The following STS variants were observed in gnomAD, a reference collection of about 807,000 sequenced individuals.
The protein encoded by STS is steryl-sulfatase.
In STS, 7 loss-of-function variants were observed where a neutral mutation model predicts 26.8. That is an observed-to-expected ratio of 0.26 (90% CI 0.15 to 0.49). The LOEUF (loss-of-function observed/expected upper bound fraction) is 0.49, where lower values mean the gene tolerates loss of function less well. Among genes scored for constraint, STS ranks in the 20% least tolerant of loss-of-function variants. The probability of loss-of-function intolerance (pLI) is 0.98; values close to 1 mark genes in which losing one functional copy is unlikely to be tolerated. For synonymous variants in STS, 199 were observed against 189.4 expected (o/e 1.05, Z -0.42); for missense variants, 434 against 465.6 (o/e 0.93, Z 0.63).
chrX:7,322,403 T>C (rs754028040), intron 8 of STS, among the ~76,000 whole-genome samples: 22 of 111,751 alleles, frequency 2.0e-4, no homozygotes, highest in Non-Finnish European at 3.6e-4. Context: ...TCTCTCTCTC[T>C]CTCTTTTTCT....
At position 7,257,509 on chromosome X, in the gene STS, C is replaced by G. The variant is rs776166876; in HGVS notation, c.303C>G (p.Ala101=). The G allele has an allele frequency of 8.3e-7, 1 of 1,211,946 alleles. No homozygotes were observed. ...GCACTGGAGTTTTCCTCTTCACAGC[C>G]TCTTCGGGAGGACTTCCCACCGATG... ...WSRTGVFLFT[A]SSGGLPTDEI... The change falls in exon 5 of 11, where the codon GCC becomes GCG. Residue 101 remains alanine, a synonymous_variant. Transcript: ENST00000674429.
intron 2 of STS, among the ~76,000 whole-genome samples, chrX:7,214,969 T>TAC (rs1363427802): frequency 4.3e-5 from 3 of 69,416 alleles, no homozygotes; most frequent in Admixed American, 3.7e-4. Context: ...ATATATTATA[T>TAC]ATGTATATAT....
chrX:7,243,861 C>G (rs1302808851), intron 2 of STS, among the ~76,000 whole-genome samples: 1 of 111,148 alleles, frequency 9.0e-6, no homozygotes, highest in Admixed American at 9.6e-5. Flanking sequence ...ATCAGGAGTT[C>G]GAGACCAGCC....
intron 8 of STS, among the ~76,000 whole-genome samples, chrX:7,324,204 A>G (rs959074152): frequency 2.7e-5 from 3 of 110,573 alleles, no homozygotes; most frequent in Admixed American, 9.7e-5. Flanking sequence ...TCATAGGTGG[A>G]CTCAAAGAAT....
chrX:7,342,186 A>T (rs973639599), intron 10 of STS, among the ~76,000 whole-genome samples: 3 of 111,699 alleles, frequency 2.7e-5, no homozygotes, highest in Admixed American at 9.5e-5. Context: ...TGGGAGATAT[A>T]GTCCCTGCCT....
At position 7,253,244 on chromosome X, in the gene STS, G is replaced by A; in HGVS notation, c.45G>A (p.Glu15=). 1 of 1,211,452 alleles carries A rather than the reference G, an allele frequency of 8.3e-7. No individual in the cohort carries two copies. The highest frequency in any genetic ancestry group is 1.1e-6 in the Non-Finnish European group (1 of 895,305). ...FLLLFFLWEA[E]SHAASRPNII... ...TACTGTTCTTTCTGTGGGAAGCCGA[G>A]AGCCACGCAGCATCAAGGCCGAACA... Residue 15 remains glutamate (E), a synonymous_variant, in exon 3 of 11, where the codon GAG becomes GAA. Transcript: ENST00000674429.
At chrX:7,189,281 A>G (rs1933830110) in intron 1 of STS, among the ~76,000 whole-genome samples, 1 of 111,853 alleles carries the variant, frequency 8.9e-6, no homozygotes, top group African/African-American at 3.2e-5. Flanking sequence ...GTTAAAAGAA[A>G]AGTCTTCAAT....
intron 2 of STS, chrX:7,219,340 C>G (rs1378555266): frequency 1.1e-6 from 1 of 877,105 alleles, no homozygotes; most frequent in Non-Finnish European, 1.4e-6. Flanking sequence ...CAAATCATAC[C>G]GAAGGGGAGA....
chrX:7,273,379 G>C (rs925120427), intron 6 of STS, among the ~76,000 whole-genome samples: 1 of 111,493 alleles, frequency 9.0e-6, no homozygotes, highest in Non-Finnish European at 1.9e-5. Flanking sequence ...ATAGAGACCA[G>C]AACCCCTTCT....
At chrX:7,244,082 A>G (rs1427480542) in intron 2 of STS, among the ~76,000 whole-genome samples, 2 of 111,405 alleles carry the variant, frequency 1.8e-5, no homozygotes, top group East Asian at 5.7e-4. Flanking sequence ...AAAAAAGAAG[A>G]AGAGTATGGC....
intron 6 of STS, among the ~76,000 whole-genome samples, chrX:7,267,377 G>C (rs1924056516): frequency 8.9e-6 from 1 of 112,198 alleles, no homozygotes; most frequent in Non-Finnish European, 1.9e-5. Context: ...GCGTAAGGAT[G>C]ATGGGTGAAT....
intron 2 of STS, among the ~76,000 whole-genome samples, chrX:7,237,277 T>C (rs896373135): frequency 1.8e-5 from 2 of 109,199 alleles, no homozygotes; most frequent in Non-Finnish European, 3.8e-5. Flanking sequence ...CGAAGGCCTT[T>C]TAAATACAAA....
intron 2 of STS, among the ~76,000 whole-genome samples, chrX:7,211,654 A>G (rs747646710): frequency 8.9e-6 from 1 of 112,206 alleles, no homozygotes; most frequent in Non-Finnish European, 1.9e-5. Flanking sequence ...TTTTCCAACC[A>G]GTATTTCTCA....
chrX:7,353,809 G>C lies in STS; in HGVS notation c.*3548G>C, dbSNP rs928561208. The C allele has an allele frequency of 1.8e-5, 2 of 111,542 alleles. No homozygotes were observed. Among genetic ancestry groups the C allele is most frequent in the South Asian group, 7.6e-4 (2 of 2,637 alleles). 9.2% of individuals were successfully genotyped at this position (111,542 alleles called of 1,213,427 possible). ...GTGGCCATAGGGAGCCGACATGCCCGGGAGGAAAGGTGTTGATTACATGGA... is the reference window on the plus strand; with the variant it reads ...GTGGCCATAGGGAGCCGACATGCCCCGGAGGAAAGGTGTTGATTACATGGA... On this transcript the variant is annotated 3_prime_UTR_variant, in exon 11 of 11. Coordinates refer to ENST00000674429, the MANE Select transcript of STS (RefSeq NM_001320752.2).
chrX:7,261,697 G>A (rs1295655452), intron 6 of STS, among the ~76,000 whole-genome samples: 3 of 111,634 alleles, frequency 2.7e-5, no homozygotes, highest in Non-Finnish European at 5.6e-5. Context: ...GTACAACAGT[G>A]TCCTGCTACC....
At chrX:7,336,132 C>G (rs1928010935) in intron 10 of STS, among the ~76,000 whole-genome samples, 1 of 111,138 alleles carries the variant, frequency 9.0e-6, no homozygotes, top group Admixed American at 9.6e-5. Flanking sequence ...ATTGTATGTT[C>G]TAGAGGTACC....
At chrX:7,178,759 A>G (rs1933621669) in intron 1 of STS, among the ~76,000 whole-genome samples, 1 of 110,791 alleles carries the variant, frequency 9.0e-6, no homozygotes, top group Non-Finnish European at 1.9e-5. Context: ...TCTAGTCCTC[A>G]TGAAAGTGAT....
rs780964093 is a variant in STS, at chrX:7,251,135, G to A, written c.-4-2061G>A. 3.6e-5 allele frequency among the ~76,000 whole-genome samples: 4 copies of A among 111,859 alleles called. No individual in the cohort carries two copies. In the East Asian group the frequency reaches 1.1e-3, roughly 32 times the overall value. ...TTAGGAGGGGTGCAAGCTCTTGGCT[G>A]GCAAAGCCCCTCCCCATATTGATGA... On this transcript the variant is annotated intron_variant, in intron 2 of 10. Transcript: ENST00000674429.
intron 1 of STS, among the ~76,000 whole-genome samples, chrX:7,151,583 G>T (rs1933012563): frequency 8.9e-6 from 1 of 112,408 alleles, no homozygotes; most frequent in Non-Finnish European, 1.9e-5. Flanking sequence ...CTGGAAGGGA[G>T]CCTGACATAG....
Sources: allele counts gnomAD v4.1 joint callset (sites outside exome capture counted in the v4.1 genomes callset), GRCh38; gene constraint gnomAD v4.1.1; transcripts MANE v1.5; gene names NCBI Gene and HGNC (gene_info 2026-07-23, HGNC 2026-07-21).